AGMO: variants seen among roughly 807,000 people sequenced by gnomAD.
AGMO encodes alkylglycerol monooxygenase.
A neutral mutation model predicts 60.2 loss-of-function variants in AGMO; 75 were observed. The ratio of observed to expected loss-of-function variants is 1.25; its 90% CI spans 1.03 to 1.51. AGMO has a LOEUF of 1.51. Among genes scored for constraint, AGMO ranks in the 40% most tolerant of loss-of-function variants. The pLI is 0.00. For synonymous variants in AGMO, 261 were observed against 177.1 expected, an observed-to-expected ratio of 1.47 and a Z score of -3.76; for missense variants, 763 against 525.5, an observed-to-expected ratio of 1.45 and a Z score of -4.42.
At chr7:15,414,745 A>G (rs941206012) in intron 5 of AGMO, among the ~76,000 whole-genome samples, 1 of 152,252 alleles carries the variant, frequency 6.6e-6, no homozygotes, top group Admixed American at 6.5e-5. Context: ...TGAATAATGC[A>G]TCCTTTAAAG....
chr7:15,385,827 T>C (rs1783888550), intron 9 of AGMO, among the ~76,000 whole-genome samples: 2 of 152,152 alleles, frequency 1.3e-5, no homozygotes, highest in South Asian at 2.1e-4. Flanking sequence ...ATGCATGGGA[T>C]GTATCTTCCC....
chr7:15,427,187 GC>G (rs1781089628), intron 4 of AGMO, among the ~76,000 whole-genome samples: 1 of 152,096 alleles, frequency 6.6e-6, no homozygotes, highest in African/African-American at 2.4e-5. Context: ...ACTGTTGATG[GC>G]TCATTCTAAT....
the AGMO span, among the ~76,000 whole-genome samples, chr7:15,122,577 G>A: frequency 6.6e-6 from 1 of 151,912 alleles, no homozygotes; most frequent in African/African-American, 2.4e-5. Context: ...TCCCTAACCT[G>A]CTCCTCCAGA....
At chr7:15,314,544 C>A (rs1219879142) in intron 12 of AGMO, among the ~76,000 whole-genome samples, 1 of 152,080 alleles carries the variant, frequency 6.6e-6, no homozygotes, top group Non-Finnish European at 1.5e-5. Flanking sequence ...ATTTTCCTGA[C>A]ATTTAGGTTA....
At chr7:15,284,070 A>G (rs1784037753) in intron 12 of AGMO, among the ~76,000 whole-genome samples, 1 of 152,140 alleles carries the variant, frequency 6.6e-6, no homozygotes, top group Non-Finnish European at 1.5e-5. Context: ...CCTCTGGGAT[A>G]CAGCAAAAAT....
intron 5 of AGMO, among the ~76,000 whole-genome samples, chr7:15,406,848 A>ATGTATC (rs1423125003): frequency 8.6e-6 from 1 of 116,820 alleles, no homozygotes; most frequent in Non-Finnish European, 1.8e-5. Context: ...GTATATGTAT[A>ATGTATC]TGTGATCCTA....
intron 5 of AGMO, among the ~76,000 whole-genome samples, chr7:15,404,673 AC>A (rs1444970500): frequency 2.6e-5 from 4 of 151,590 alleles, no homozygotes; most frequent in Non-Finnish European, 4.4e-5. Context: ...CGTGTCCAAA[AC>A]TCCAATCCAC....
At chr7:15,329,304 T>G (rs1781433288) in intron 12 of AGMO, among the ~76,000 whole-genome samples, 1 of 152,184 alleles carries the variant, frequency 6.6e-6, no homozygotes, top group Non-Finnish European at 1.5e-5. Flanking sequence ...TTCAGTGAAT[T>G]AAGCCATTGG....
At chr7:15,385,627 C>G in intron 9 of AGMO, 65 bp from the exon 10 acceptor site, 2 of 893,960 alleles carry the variant, frequency 2.2e-6, no homozygotes, top group South Asian at 3.0e-5. Context: ...GAAATTCACA[C>G]TAAGAGATAT....
chr7:15,332,248 A>T (rs906757678), intron 12 of AGMO, among the ~76,000 whole-genome samples: 1 of 152,152 alleles, frequency 6.6e-6, no homozygotes, highest in Non-Finnish European at 1.5e-5. Context: ...TGCACTTGAC[A>T]CTGAAACCTT....
chr7:15,405,859 G>C (rs1217883147), intron 5 of AGMO, among the ~76,000 whole-genome samples: 3 of 149,176 alleles, frequency 2.0e-5, no homozygotes, highest in Non-Finnish European at 4.5e-5. Context: ...GCCTAATGAA[G>C]CTAAAATAGG....
intron 10 of AGMO, among the ~76,000 whole-genome samples, chr7:15,382,071 C>T (rs915271270): frequency 2.0e-5 from 3 of 151,990 alleles, no homozygotes; most frequent in Admixed American, 2.0e-4. Flanking sequence ...GGGTACTAGG[C>T]TTAATACCTA....
chr7:15,163,583 GTTT>G, the AGMO span, among the ~76,000 whole-genome samples: 1 of 151,856 alleles, frequency 6.6e-6, no homozygotes, highest in Admixed American at 6.6e-5. Context: ...ATGACCTATG[GTTT>G]TTTATTTTTA....
chr7:15,144,337 T>C, the AGMO span, among the ~76,000 whole-genome samples: 3 of 152,200 alleles, frequency 2.0e-5, no homozygotes, highest in Non-Finnish European at 4.4e-5. Flanking sequence ...TACAGAACAA[T>C]GATGTTTTAA....
intron 12 of AGMO, among the ~76,000 whole-genome samples, chr7:15,307,879 C>T (rs1780661125): frequency 6.6e-6 from 1 of 152,002 alleles, no homozygotes; most frequent in African/African-American, 2.4e-5. Flanking sequence ...CCTTCATATC[C>T]CACCTCTGAG....
At chr7:15,463,278 A>C (rs1468435638) in intron 3 of AGMO, among the ~76,000 whole-genome samples, 1 of 152,106 alleles carries the variant, frequency 6.6e-6, no homozygotes, top group Non-Finnish European at 1.5e-5. Flanking sequence ...TCAATAAAGA[A>C]TTTTACTGGA....
At position 15,544,783 on chromosome 7, in the gene AGMO, C is replaced by T. The variant is rs552347223; in HGVS notation, c.398G>A (p.Arg133His). 6.9e-6 allele frequency: 11 copies of T among 1,596,788 alleles called. No homozygotes were observed. Among genetic ancestry groups the T allele is most frequent in the Admixed American group, 1.8e-5 (1 of 57,102 alleles). The change falls in exon 3 of 13, where the codon CGT becomes CAT. Residue 133 changes from arginine (R) to histidine (H), a missense_variant. By Grantham distance (29) the Arg-to-His change is conservative. Coordinates refer to ENST00000342526, the MANE Select transcript of AGMO (RefSeq NM_001004320.2). ...CATTTGCAGCTTACCATGAGCCATA[C>T]GATGGAACCAGTAGTAGCCAAAGTC... Reference protein sequence around the residue: ...GVDFGYYWFHRMAHEVNIMWA... With the variant: ...GVDFGYYWFHHMAHEVNIMWA...
At chr7:15,466,137 A>G (rs574462689) in intron 3 of AGMO, among the ~76,000 whole-genome samples, 1 of 152,282 alleles carries the variant, frequency 6.6e-6, no homozygotes, top group Admixed American at 6.5e-5. Context: ...TGCTGGTACA[A>G]TGGTGATGAT....
At chr7:15,234,671 C>T (rs1782366163) in intron 12 of AGMO, among the ~76,000 whole-genome samples, 1 of 152,254 alleles carries the variant, frequency 6.6e-6, no homozygotes, top group South Asian at 2.1e-4. Context: ...TGGTCTTGGT[C>T]ACAACTACTC....
Sources: allele counts gnomAD v4.1 joint callset (sites outside exome capture counted in the v4.1 genomes callset), GRCh38; gene constraint gnomAD v4.1.1; transcripts MANE v1.5; gene names NCBI Gene and HGNC (gene_info 2026-07-23, HGNC 2026-07-21).